KIAA0408: variants seen among roughly 807,000 people sequenced by gnomAD.
KIAA0408 encodes uncharacterized protein KIAA0408.
KIAA0408 carries 51 observed loss-of-function variants against 60.9 expected under a neutral mutation model. The ratio of observed to expected loss-of-function variants is 0.84; its 90% CI spans 0.67 to 1.06. The LOEUF (loss-of-function observed/expected upper bound fraction) is 1.06, where lower values mean the gene tolerates loss of function less well. Among genes scored for constraint, KIAA0408 ranks in the 50% least tolerant of loss-of-function variants. The pLI is 0.00. For missense variants in KIAA0408, 787 were observed against 833.9 expected (o/e 0.94, Z 0.69); for synonymous variants, 304 against 282.4 (o/e 1.08, Z -0.77).
At chr6:127,453,600 G>A (rs1773339535) in intron 2 of KIAA0408, among the ~76,000 whole-genome samples, 1 of 151,964 alleles carries the variant, frequency 6.6e-6, no homozygotes, top group Admixed American at 6.6e-5. Flanking sequence ...TCTCTAGCCA[G>A]AAAATAATAA....
chr6:127,458,320 T>A (rs527357777), intron 1 of KIAA0408, among the ~76,000 whole-genome samples: 1 of 152,344 alleles, frequency 6.6e-6, no homozygotes, highest in Non-Finnish European at 1.5e-5. Flanking sequence ...CCACCATGAT[T>A]TGATTTTGTT....
In KIAA0408 at chr6:127,446,670, C is replaced by T. The variant is rs1306693969; in HGVS notation, c.1649G>A (p.Arg550His). ...HDWRPSNLSG[R>H]PRSADPRSNY... ...TGACCTGGGATCAGCTGACCTCGGA[C>T]GGCCAGACAAATTACTCGGTCTCCA... The change falls in exon 5 of 6, where the codon CGT becomes CAT. Residue 550 changes from arginine to histidine, a missense_variant. Physicochemically the swap from Arg to His is conservative, Grantham distance 29 (BLOSUM62 0). Around this residue, in one of 3 missense-constraint regions of KIAA0408, gnomAD observed 640 missense variants for 681.3 expected, o/e 0.94. Transcript: ENST00000483725. 3.7e-6 allele frequency: 6 copies of T among 1,613,820 alleles called. No individual in the cohort carries two copies. The highest frequency in any genetic ancestry group is 1.1e-5 in the South Asian group (1 of 91,084).
chr6:127,456,910 C>A (rs1773405645), intron 1 of KIAA0408, among the ~76,000 whole-genome samples: 1 of 151,968 alleles, frequency 6.6e-6, no homozygotes, highest in African/African-American at 2.4e-5. Flanking sequence ...TTGTTTTCTT[C>A]CTTCTGTCCT....
At chr6:127,453,788 A>T in intron 2 of KIAA0408, 59 bp downstream of exon 2, 1 of 1,562,354 alleles carries the variant, frequency 6.4e-7, no homozygotes, top group Non-Finnish European at 8.7e-7. Flanking sequence ...AAAACAGCCC[A>T]CAGAATTTTC....
chr6:127,452,794 G>A (rs971465830), intron 2 of KIAA0408, among the ~76,000 whole-genome samples: 9 of 151,962 alleles, frequency 5.9e-5, no homozygotes, highest in African/African-American at 1.7e-4. Flanking sequence ...TCCGAGTATG[G>A]GTAGAGGGGT....
In KIAA0408 at chr6:127,457,046, G is replaced by A. The variant is rs551909922; in HGVS notation, c.-121+2129C>T. Among the ~76,000 whole-genome samples, 127 of 151,792 alleles carry A rather than the reference G, an allele frequency of 8.4e-4. 1 individual carries two copies. The highest frequency in any genetic ancestry group is 2.8e-3 in the African/African-American group (117 of 41,342). On this transcript the variant is annotated intron_variant, in intron 1 of 5. Transcript: ENST00000483725. ...ATTATTTTGGTCTTTATTTTAAAAC[G>A]AGATAGAAGCAAGTGTAATTGTGTG...
chr6:127,449,492 A>G (rs1037998778), intron 4 of KIAA0408, among the ~76,000 whole-genome samples: 1 of 152,078 alleles, frequency 6.6e-6, no homozygotes, highest in African/African-American at 2.4e-5. Context: ...TCTACTAAAA[A>G]TACAAAAAAA....
At position 127,439,939 on chromosome 6, in the gene KIAA0408, C is replaced by A. The variant is rs1451475339; in HGVS notation, c.*4170G>T. On this transcript the variant is annotated 3_prime_UTR_variant, in exon 6 of 6. Coordinates refer to ENST00000483725, the MANE Select transcript of KIAA0408 (RefSeq NM_014702.5). The stretch of plus-strand genomic sequence containing the variant: ...CCTGCAATCTTGGCAGCCATGCAGA[C>A]CTCTTTGAATCTCAGGTTTCCCACC... 6.6e-6 allele frequency: 1 copy of A among 152,172 alleles called. No individual in the cohort carries two copies. The highest frequency in any genetic ancestry group is 1.5e-5 in the Non-Finnish European group (1 of 68,042). The allele number at this position is 152,172 out of a possible 1,614,324, so 9.4% of individuals were successfully genotyped here. A position where few individuals can be genotyped will look rare whatever the true frequency, so the allele number is the denominator to read the frequency against.
At chr6:127,449,701 A>G in intron 4 of KIAA0408, 121 bp downstream of exon 4, 1 of 1,311,056 alleles carries the variant, frequency 7.6e-7, no homozygotes, top group Admixed American at 2.2e-5. Flanking sequence ...CCCACCCTAG[A>G]TAGTACATTT....
chr6:127,447,180 T>G lies in KIAA0408; in HGVS notation c.1139A>C (p.Lys380Thr), dbSNP rs772214332. 3 of 1,612,548 alleles carry G rather than the reference T, an allele frequency of 1.9e-6. No individual in the cohort carries two copies. The highest frequency in any genetic ancestry group is 1.7e-5 in the Admixed American group (1 of 59,728). ...KRSPSTSWFQ[K>T]TCSTPSNPKY... is the part of the protein sequence containing the mutation. The stretch of plus-strand genomic sequence containing the variant: ...TGGATTACTGGGGGTAGAGCAGGTT[T>G]TCTGAAACCACGAAGTAGAGGGGCT... The change falls in exon 5 of 6, where the codon AAA becomes ACA. Residue 380 changes from lysine to threonine, a missense_variant. By Grantham distance (78) the Lys-to-Thr change is moderately conservative. Transcript: ENST00000483725.
intron 1 of KIAA0408, among the ~76,000 whole-genome samples, chr6:127,454,946 C>A (rs1773366054): frequency 6.6e-6 from 1 of 151,936 alleles, no homozygotes; most frequent in Non-Finnish European, 1.5e-5. Flanking sequence ...TTTAAAATAC[C>A]AGCTATGTAA....
chr6:127,446,028 C>T (rs1033111892), intron 5 of KIAA0408, among the ~76,000 whole-genome samples: 1 of 151,868 alleles, frequency 6.6e-6, no homozygotes, highest in African/African-American at 2.4e-5. Context: ...AAAATGAAAA[C>T]GATTTTAAAA....
rs1162733188 is a variant in KIAA0408 at position 127,441,868 on chromosome 6, A to G, written c.*2241T>C. 2 of 152,170 alleles carry G rather than the reference A, an allele frequency of 1.3e-5. No individual in the cohort carries two copies. Among genetic ancestry groups the G allele is most frequent in the Non-Finnish European group, 2.9e-5 (2 of 68,042 alleles). 9.4% of individuals were successfully genotyped at this position (152,170 alleles called of 1,614,324 possible). A position where few individuals can be genotyped will look rare whatever the true frequency, so the allele number is the denominator to read the frequency against. On this transcript the variant is annotated 3_prime_UTR_variant, in exon 6 of 6. Transcript: ENST00000483725. ...TATTTTTTTTTTCTCAGCTCTAACT[A>G]TAATTTTAGTCAACATAAGAAGACG...
intron 2 of KIAA0408, among the ~76,000 whole-genome samples, chr6:127,451,978 C>T (rs186442016): frequency 1.9e-3 from 283 of 152,236 alleles, no homozygotes; most frequent in African/African-American, 6.6e-3. Flanking sequence ...AAACCCCAGA[C>T]GTCTATAAGT....
intron 2 of KIAA0408, among the ~76,000 whole-genome samples, chr6:127,453,124 T>C (rs1369537182): frequency 1.3e-5 from 2 of 152,094 alleles, no homozygotes; most frequent in Admixed American, 6.6e-5. Flanking sequence ...ATACTAAGGA[T>C]GTTACCAAAA....
At chr6:127,455,876 A>G (rs1031762107) in intron 1 of KIAA0408, among the ~76,000 whole-genome samples, 15 of 152,160 alleles carry the variant, frequency 9.9e-5, no homozygotes, top group African/African-American at 3.6e-4. Context: ...AATAAATGTC[A>G]GTGAAGAACA....
In KIAA0408 at chr6:127,449,866, T is replaced by A; in HGVS notation, c.534A>T (p.Leu178Phe). 1 of 1,614,106 alleles carries A rather than the reference T, an allele frequency of 6.2e-7. No homozygotes were observed. The highest frequency in any genetic ancestry group is 8.5e-7 in the Non-Finnish European group (1 of 1,179,974). Residue 178 changes from leucine (L) to phenylalanine (F), a missense_variant, in exon 4 of 6, where the codon TTA becomes TTT. Physicochemically the swap from Leu to Phe is conservative, Grantham distance 22. Around this residue, in one of 3 missense-constraint regions of KIAA0408, gnomAD observed 640 missense variants for 681.3 expected, o/e 0.94. Transcript: ENST00000483725. ...TTCGAATTTCCTCTTGAAAGCTGCATAATTCTTCACTCACCTTCGCAAGTT... is the reference window on the plus strand; with the variant it reads ...TTCGAATTTCCTCTTGAAAGCTGCAAAATTCTTCACTCACCTTCGCAAGTT... ...LEELAKVSEELCSFQEEIRKR... is the reference protein window; with the variant it reads ...LEELAKVSEEFCSFQEEIRKR...
At chr6:127,450,630 TATAA>T in intron 2 of KIAA0408, 1 of 278,790 alleles carries the variant, frequency 3.6e-6, no homozygotes, top group Non-Finnish European at 6.6e-6. Flanking sequence ...TGTATCTGTA[TATAA>T]ATACAGAAAC....
chr6:127,447,542 TA>T lies in KIAA0408; in HGVS notation c.776del (p.Leu259Ter). 6.2e-7 allele frequency: 1 copy of T among 1,611,126 alleles called. No homozygotes were observed. Among genetic ancestry groups the T allele is most frequent in the Non-Finnish European group, 8.5e-7 (1 of 1,179,254 alleles). ...TKKCGIDTID[L>X]KRNETPPVPP... is the part of the protein sequence containing the mutation. ...GAACTGGTGGAGTTTCATTTCTTTT[TA>T]AATCGATTGTATCAATTCCACATTT... On this transcript the variant is annotated frameshift_variant, in exon 5 of 6. Transcript: ENST00000483725. LOFTEE classifies it high-confidence loss of function.
Sources: allele counts gnomAD v4.1 joint callset (sites outside exome capture counted in the v4.1 genomes callset), GRCh38; gene constraint gnomAD v4.1.1; regional missense constraint gnomAD v4.1.1; transcripts MANE v1.5; gene names NCBI Gene and HGNC (gene_info 2026-07-23, HGNC 2026-07-21).